The following SEMA5A variants were observed in gnomAD, a reference collection of about 807,000 sequenced individuals.
The protein encoded by SEMA5A is semaphorin-5A.
SEMA5A carries 55 observed loss-of-function variants against 135.5 expected under a neutral mutation model. The observed-to-expected ratio is 0.41, with a 90% CI of 0.33 to 0.51. The LOEUF (loss-of-function observed/expected upper bound fraction) is 0.51. Ranked by LOEUF, SEMA5A falls within the 20% of genes least tolerant of loss-of-function variation. The pLI, the probability that SEMA5A is intolerant of heterozygous loss-of-function variation, is 0.37. For missense variants in SEMA5A, 1,290 were observed against 1,419.9 expected, an observed-to-expected ratio of 0.91 and a Z score of 1.47; for synonymous variants, 580 against 546.5, an observed-to-expected ratio of 1.06 and a Z score of -0.85.
At chr5:9,069,928 C>T (rs1384652567) in intron 16 of SEMA5A, among the ~76,000 whole-genome samples, 1 of 152,202 alleles carries the variant, frequency 6.6e-6, no homozygotes, top group Admixed American at 6.5e-5. Context: ...AAGCCATAAA[C>T]CCTTGTCTTG....
chr5:9,264,226 A>T (rs1749557517), intron 5 of SEMA5A, among the ~76,000 whole-genome samples: 2 of 152,210 alleles, frequency 1.3e-5, no homozygotes. Flanking sequence ...TTTGCCAAAT[A>T]CATTTCTATA....
rs959820509 is a variant in SEMA5A, at chr5:9,400,788, A to G, written c.-77-20765T>C. 1.3e-5 allele frequency among the ~76,000 whole-genome samples: 2 copies of G among 152,156 alleles called. 1 individual carries two copies. Among genetic ancestry groups the G allele is most frequent in the Non-Finnish European group, 2.9e-5 (2 of 68,034 alleles). ...CCCAAAACATTTTTTACTGAAATGC[A>G]CCAGCTCTCCAGATAGCTCATTGCC... On this transcript the variant is annotated intron_variant, in intron 2 of 22. Transcript: ENST00000382496.
chr5:9,178,614 C>T (rs901842420), intron 11 of SEMA5A, among the ~76,000 whole-genome samples: 1 of 152,112 alleles, frequency 6.6e-6, no homozygotes, highest in African/African-American at 2.4e-5. Context: ...CAGGCATGAG[C>T]CACCGCGCCC....
Position 9,044,783 on chromosome 5 carries a change from A to C in SEMA5A, c.2894-199T>G, listed in dbSNP as rs145225995. On this transcript the variant is annotated intron_variant, in intron 21 of 22. Transcript: ENST00000382496. Reference sequence around the variant, plus strand: ...ACTTCTACACAGGGAGCACAGGATTATTATTATTATTATTATTTGAAATGG... The same window carrying C: ...ACTTCTACACAGGGAGCACAGGATTCTTATTATTATTATTATTTGAAATGG... Among the ~76,000 whole-genome samples, 30 of 151,254 alleles carry C rather than the reference A, an allele frequency of 2.0e-4. No individual in the cohort carries two copies. The East Asian group carries it at 5.8e-3, about 29-fold the overall frequency.
chr5:9,363,255 TC>T (rs764252750), intron 3 of SEMA5A: 1 of 152,224 alleles, frequency 6.6e-6, no homozygotes, highest in Non-Finnish European at 1.5e-5. Context: ...GCTGATATAA[TC>T]TTTTCTGTTT....
chr5:9,492,026 T>C (rs1735037817), intron 1 of SEMA5A, among the ~76,000 whole-genome samples: 1 of 152,210 alleles, frequency 6.6e-6, no homozygotes, highest in Non-Finnish European at 1.5e-5. Context: ...GTCTATCAGT[T>C]CATTTGGAAA....
intron 5 of SEMA5A, among the ~76,000 whole-genome samples, chr5:9,268,534 C>G (rs1456202227): frequency 6.6e-6 from 1 of 152,092 alleles, no homozygotes; most frequent in Non-Finnish European, 1.5e-5. Context: ...TGTGATAGCA[C>G]TGATCTGGAA....
At chr5:9,437,503 C>T (rs771236075) in intron 2 of SEMA5A, among the ~76,000 whole-genome samples, 23 of 151,920 alleles carry the variant, frequency 1.5e-4, no homozygotes, top group Admixed American at 4.6e-4. Flanking sequence ...ATTATAGGCA[C>T]GCGCCACCAC....
chr5:9,258,938 T>C (rs1285575722), intron 5 of SEMA5A, among the ~76,000 whole-genome samples: 1 of 149,152 alleles, frequency 6.7e-6, no homozygotes, highest in Non-Finnish European at 1.5e-5. Context: ...TTCTCGTGCC[T>C]CAGCCTCCCA....
intron 3 of SEMA5A, among the ~76,000 whole-genome samples, chr5:9,353,096 A>AAG (rs1219303567): frequency 2.3e-3 from 11 of 4,728 alleles, no homozygotes; most frequent in African/African-American, 8.4e-3. Flanking sequence ...AAGGAAAGGA[A>AAG]GGAAGGAAAG....
intron 16 of SEMA5A, among the ~76,000 whole-genome samples, chr5:9,094,469 G>T (rs1405664516): frequency 6.6e-6 from 1 of 152,224 alleles, no homozygotes; most frequent in Non-Finnish European, 1.5e-5. Context: ...GAAGATAAGA[G>T]AAATAAACCA....
intron 12 of SEMA5A, among the ~76,000 whole-genome samples, chr5:9,148,759 G>A (rs112044239): frequency 2.6e-5 from 4 of 152,174 alleles, no homozygotes; most frequent in South Asian, 2.1e-4. Context: ...TCACTCTGTC[G>A]TCCAGGCTGG....
intron 14 of SEMA5A, among the ~76,000 whole-genome samples, chr5:9,120,580 G>C (rs1325631820): frequency 6.6e-6 from 1 of 151,866 alleles, no homozygotes; most frequent in Admixed American, 6.6e-5. Flanking sequence ...CTTATACCCT[G>C]CTACCTAAAA....
intron 18 of SEMA5A, among the ~76,000 whole-genome samples, chr5:9,062,468 T>C (rs1280778624): frequency 3.3e-5 from 5 of 152,188 alleles, no homozygotes; most frequent in Middle Eastern, 6.3e-3. Flanking sequence ...ATTTATTTGT[T>C]TGTTTATTTA....
chr5:9,131,440 C>A (rs980308876), intron 13 of SEMA5A, among the ~76,000 whole-genome samples: 9 of 151,586 alleles, frequency 5.9e-5, no homozygotes, highest in African/African-American at 2.2e-4. Flanking sequence ...AACCCCGTCT[C>A]TACTAAAAAC....
chr5:9,302,917 A>G (rs1255153684), intron 5 of SEMA5A, among the ~76,000 whole-genome samples: 3 of 152,194 alleles, frequency 2.0e-5, no homozygotes, highest in Admixed American at 1.3e-4. Flanking sequence ...TTATGAATCA[A>G]TCTAAATTTA....
chr5:9,454,250 C>T (rs1454361198), intron 1 of SEMA5A, among the ~76,000 whole-genome samples: 1 of 152,200 alleles, frequency 6.6e-6, no homozygotes, highest in African/African-American at 2.4e-5. Flanking sequence ...CTTTACTGCT[C>T]TCATTACATA....
At chr5:9,053,042 T>C (rs2150046514) in intron 19 of SEMA5A, among the ~76,000 whole-genome samples, 1 of 152,342 alleles carries the variant, frequency 6.6e-6, no homozygotes, top group African/African-American at 2.4e-5. Flanking sequence ...TTTAAGGCCC[T>C]TTTCAATATA....
chr5:9,459,532 C>T (rs138981426), intron 1 of SEMA5A, among the ~76,000 whole-genome samples: 1 of 152,300 alleles, frequency 6.6e-6, no homozygotes, highest in African/African-American at 2.4e-5. Flanking sequence ...CTGCCTACAG[C>T]CCAAGTGAAC....
Sources: gnomAD v4.1 joint callset for allele counts (sites outside exome capture counted in the v4.1 genomes callset) on GRCh38, gnomAD v4.1.1 for gene constraint, MANE v1.5 for transcripts, NCBI Gene and HGNC (gene_info 2026-07-23, HGNC 2026-07-21) for gene names.